Variants in CFAP46 observed in about 807,000 individuals in gnomAD.
CFAP46 encodes the protein cilia- and flagella-associated protein 46.
Under a neutral mutation model 325.7 loss-of-function variants are expected in CFAP46, and 245 were observed. The observed-to-expected ratio is 0.75, with a 90% CI of 0.68 to 0.84. The LOEUF is 0.84. Ranked by LOEUF, CFAP46 falls within the 40% of genes least tolerant of loss-of-function variation. CFAP46 has a pLI of 0.00. For missense variants in CFAP46, 3,346 were observed against 3,543.0 expected (o/e 0.94, Z 1.41); for synonymous variants, 1,523 against 1,495.9 (o/e 1.02, Z -0.42).
intron 37 of CFAP46, 87 bp from the exon 38 acceptor site, chr10:132,859,334 T>G: frequency 1.6e-6 from 2 of 1,221,140 alleles, no homozygotes; most frequent in Admixed American, 2.7e-5. Flanking sequence ...TTCTCCCCGG[T>G]GTTCATCCAG....
At chr10:132,926,431 G>A (rs1293316045) in intron 10 of CFAP46, 137 bp downstream of exon 10, 2 of 666,102 alleles carry the variant, frequency 3.0e-6, no homozygotes, top group African/African-American at 1.8e-5. Flanking sequence ...CCGCTGTCAC[G>A]GGAGCCAGGG....
At chr10:132,897,596 G>A (rs555024977) in intron 24 of CFAP46, among the ~76,000 whole-genome samples, 3 of 152,376 alleles carry the variant, frequency 2.0e-5, no homozygotes, top group East Asian at 1.9e-4. Context: ...GCTAAGCCCT[G>A]GGGCCAGGAA....
chr10:132,850,502 T>A, intron 40 of CFAP46, 70 bp from the exon 41 acceptor site: 1 of 1,423,478 alleles, frequency 7.0e-7, no homozygotes, highest in Non-Finnish European at 9.4e-7. Context: ...GGGGACCCAG[T>A]GAGCCCGCCC....
chr10:132,892,261 G>A (rs886420400), intron 25 of CFAP46, 72 bp downstream of exon 25: 42 of 1,405,350 alleles, frequency 3.0e-5, no homozygotes, highest in Admixed American at 1.2e-4. Flanking sequence ...AAAGCACCAC[G>A]TTTAAAATTG....
chr10:132,829,232 C>G (rs762246346), intron 50 of CFAP46, among the ~76,000 whole-genome samples: 1 of 152,134 alleles, frequency 6.6e-6, no homozygotes, highest in African/African-American at 2.4e-5. Context: ...GTTCTTTAAT[C>G]TCTCTCGGCA....
rs1564794205 is a variant in CFAP46 at position 132,899,043 on chromosome 10, C to G, written c.3135G>C (p.Leu1045=). 1.3e-6 allele frequency: 2 copies of G among 1,550,600 alleles called. No individual in the cohort carries two copies. The highest frequency in any genetic ancestry group is 4.9e-5 in the East Asian group (2 of 40,910). Residue 1045 remains leucine, a synonymous_variant, in exon 24 of 58, where the codon CTG becomes CTC. Coordinates refer to ENST00000368586, the MANE Select transcript of CFAP46 (RefSeq NM_001200049.3). The part of the protein sequence containing the change: ...RHYWNAWLPL[L]SSAVYRKKAK... ...CCTTCTTCCTGTAGACGGCTGAGGA[C>G]AGCAGTGGGAGCCAGGCGTTCCAGT...
At chr10:132,810,015 G>A (rs1037389777) in intron 57 of CFAP46, among the ~76,000 whole-genome samples, 1 of 152,200 alleles carries the variant, frequency 6.6e-6, no homozygotes, top group Non-Finnish European at 1.5e-5. Flanking sequence ...CCCCCTAGGA[G>A]TCCTTGCTTG....
At chr10:132,823,935 G>T (rs1214752275) in intron 50 of CFAP46, among the ~76,000 whole-genome samples, 8 of 145,348 alleles carry the variant, frequency 5.5e-5, no homozygotes, top group South Asian at 2.4e-4. Context: ...GTGCTGATGT[G>T]TGCTGTGTGT....
In CFAP46 at chr10:132,822,331, CTG is replaced by C. The variant is rs537807246; in HGVS notation, c.7118-7419_7118-7418del. ...TGTGCTGTGTGTGTGGTGATGTGTG[CTG>C]TGTGTGTGGTGATGTGTGCTGTGTG... On this transcript the variant is annotated intron_variant, in intron 50 of 57. Transcript: ENST00000368586. 6.8e-3 allele frequency among the ~76,000 whole-genome samples: 752 copies of C among 110,770 alleles called. 19 individuals are homozygous for C. The highest frequency in any genetic ancestry group is 0.025 in the African/African-American group (704 of 28,166). The allele number at this position is 110,770 out of a possible 152,430, so 72.7% of individuals were successfully genotyped here.
Position 132,832,386 on chromosome 10 carries a change from CT to C in CFAP46, c.7117+971del, listed in dbSNP as rs1224950230. Among the ~76,000 whole-genome samples, 571 of 138,582 alleles carry C rather than the reference CT, an allele frequency of 4.1e-3. 8 individuals are homozygous for C. The highest frequency in any genetic ancestry group is 0.03 in the South Asian group (122 of 4,064). 90.9% of individuals were successfully genotyped at this position (138,582 alleles called of 152,430 possible). ...ACTTGCGGAGACCCCTGGGCTCTTCCTGCCCCCCCCCCCCAATGCTGTGGCC... is the reference window on the plus strand; with the variant it reads ...ACTTGCGGAGACCCCTGGGCTCTTCCGCCCCCCCCCCCCAATGCTGTGGCC... On this transcript the variant is annotated intron_variant, in intron 50 of 57. Transcript: ENST00000368586. The surrounding 1 kb of genome is among the most constrained non-coding windows in gnomAD (Gnocchi z 4.1).
chr10:132,922,581 G>A lies in CFAP46; in HGVS notation c.1384C>T (p.Arg462Trp), dbSNP rs1243386313. 8.4e-6 allele frequency: 13 copies of A among 1,548,582 alleles called. No individual in the cohort carries two copies. The highest frequency in any genetic ancestry group is 2.4e-5 in the East Asian group (1 of 40,922). Residue 462 changes from arginine (R) to tryptophan (W), a missense_variant, in exon 12 of 58, where the codon CGG (arginine) becomes TGG (tryptophan). Coordinates refer to ENST00000368586, the MANE Select transcript of CFAP46 (RefSeq NM_001200049.3). ...AARLDSLGLYRDRIQMASTRL... is the reference protein window; with the variant it reads ...AARLDSLGLYWDRIQMASTRL... ...GTGGAGGCCATCTGGATCCTGTCCC[G>A]GTAGAGGCCCAGGCTGTCCAGGCGC...
Position 132,869,462 on chromosome 10 carries a change from CAACT to C in CFAP46, c.4512-94_4512-91del, listed in dbSNP as rs1162811709. ...ACTAGTGTGCTTCACAGAAAACGGT[CAACT>C]AACACATCGAGGCACACTTGGATGG... On this transcript the variant is annotated intron_variant, in intron 32 of 57. Coordinates refer to ENST00000368586, the MANE Select transcript of CFAP46 (RefSeq NM_001200049.3). This position sits in a 1 kb window ranked among gnomAD's most constrained non-coding sequence, Gnocchi z 6.2. 2.2e-5 allele frequency: 19 copies of C among 871,128 alleles called. No homozygotes were observed. Among genetic ancestry groups the C allele is most frequent in the Middle Eastern group, 4.7e-4 (2 of 4,290 alleles). The allele number at this position is 871,128 out of a possible 1,614,324, so 54.0% of individuals were successfully genotyped here.
chr10:132,817,683 G>A lies in CFAP46; in HGVS notation c.7118-2769C>T, dbSNP rs1233298321. On this transcript the variant is annotated intron_variant, in intron 50 of 57. Transcript: ENST00000368586. The surrounding 1 kb of genome is among the most constrained non-coding windows in gnomAD (Gnocchi z 4.4). ...GGCGCCCCAGACTCAGCGGTTGGCG[G>A]CTGAGGACACTCAAGGCTCTAGATC... Among the ~76,000 whole-genome samples, 1 of 152,212 alleles carries A rather than the reference G, an allele frequency of 6.6e-6. No homozygotes were observed. Among genetic ancestry groups the A allele is most frequent in the Non-Finnish European group, 1.5e-5 (1 of 68,038 alleles).
At position 132,878,047 on chromosome 10, in the gene CFAP46, C is replaced by T; in HGVS notation, c.4046G>A (p.Arg1349Lys). The change falls in exon 30 of 58, where the codon AGA becomes AAA. Residue 1349 changes from arginine (R) to lysine (K), a missense_variant. Transcript: ENST00000368586. ...ATGTGAGCTGGTTGCTGCCAGGGGT[C>T]TGTTTTCCAGAACTGATTTTCCTGC... The part of the protein sequence containing the change: ...MTAGKSVLEN[R>K]PLAATSSHLL... 6.5e-7 allele frequency: 1 copy of T among 1,547,724 alleles called. No individual in the cohort carries two copies. Among genetic ancestry groups the T allele is most frequent in the Non-Finnish European group, 8.7e-7 (1 of 1,145,712 alleles).
chr10:132,810,884 C>G, intron 56 of CFAP46, 66 bp downstream of exon 56: 1 of 1,450,206 alleles, frequency 6.9e-7, no homozygotes, highest in East Asian at 2.5e-5. Context: ...TTGTGGGTCC[C>G]ACGCCCGTCT....
intron 36 of CFAP46, 21 bp downstream of exon 36, chr10:132,860,761 C>G: frequency 6.5e-7 from 1 of 1,549,262 alleles, no homozygotes; most frequent in African/African-American, 1.4e-5. Flanking sequence ...ACATGCAGCC[C>G]CAGGTCCCCG....
Position 132,857,697 on chromosome 10 carries a change from C to T in CFAP46, c.5467G>A (p.Glu1823Lys), listed in dbSNP as rs764353195. 1.7e-5 allele frequency: 27 copies of T among 1,613,468 alleles called. No homozygotes were observed. Among genetic ancestry groups the T allele is most frequent in the Non-Finnish European group, 2.1e-5 (25 of 1,179,872 alleles). ...CCCTGGATGCTGTGAAGCCTCCCTTCTTCCTCAGCTACGGCACCCTGGGCC... is the reference window on the plus strand; with the variant it reads ...CCCTGGATGCTGTGAAGCCTCCCTTTTTCCTCAGCTACGGCACCCTGGGCC... Reference protein sequence around the residue: ...GLAQGAVAEEEGRLHSIQGLY... With the variant: ...GLAQGAVAEEKGRLHSIQGLY... The change falls in exon 39 of 58, where the codon GAA becomes AAA. Residue 1823 changes from glutamate (E) to lysine (K), a missense_variant. By Grantham distance (56) the Glu-to-Lys change is moderately conservative (BLOSUM62 1). Coordinates refer to ENST00000368586, the MANE Select transcript of CFAP46 (RefSeq NM_001200049.3).
intron 27 of CFAP46, among the ~76,000 whole-genome samples, chr10:132,881,831 G>C (rs1591069664): frequency 1.3e-5 from 2 of 152,392 alleles, no homozygotes; most frequent in East Asian, 3.9e-4. Context: ...AATATCTGTG[G>C]CTCTCTGAGC....
chr10:132,871,996 T>C (rs1261640727), intron 32 of CFAP46, among the ~76,000 whole-genome samples: 1 of 152,274 alleles, frequency 6.6e-6, no homozygotes, highest in Non-Finnish European at 1.5e-5. Flanking sequence ...TTAGCATTTT[T>C]AGTACATACA....
Sources: gnomAD v4.1 joint callset for allele counts (sites outside exome capture counted in the v4.1 genomes callset) on GRCh38, gnomAD v4.1.1 for gene constraint, Gnocchi (gnomAD v3.1) non-coding constraint, MANE v1.5 for transcripts, NCBI Gene and HGNC (gene_info 2026-07-23, HGNC 2026-07-21) for gene names.